AGPAT4: variants seen among roughly 807,000 people sequenced by gnomAD.
AGPAT4 encodes 1-acylglycerol-3-phosphate O-acyltransferase 4, also known as 1-acyl-sn-glycerol-3-phosphate acyltransferase delta.
Under a neutral mutation model 48.0 loss-of-function variants are expected in AGPAT4, and 15 were observed. The observed-to-expected ratio is 0.31, with a 90% CI of 0.21 to 0.48. The LOEUF (loss-of-function observed/expected upper bound fraction) is 0.48. Among genes scored for constraint, AGPAT4 ranks in the 20% least tolerant of loss-of-function variants. AGPAT4 has a pLI of 0.99. For missense variants in AGPAT4, 314 were observed against 482.5 expected (o/e 0.65, Z 3.27); for synonymous variants, 178 against 198.7 (o/e 0.90, Z 0.88).
In AGPAT4 at chr6:161,177,776, T is replaced by C. The variant is rs1054593087; in HGVS notation, c.179-11359A>G. 3.9e-5 allele frequency among the ~76,000 whole-genome samples: 6 copies of C among 152,332 alleles called. No individual in the cohort carries two copies. The highest frequency in any genetic ancestry group is 9.6e-5 in the African/African-American group (4 of 41,588). ...TTCTGCTCTGGTTTCTCCCCATCTTTGTGGTTTTATCTACCTTTGGTCTTT... is the reference window on the plus strand; with the variant it reads ...TTCTGCTCTGGTTTCTCCCCATCTTCGTGGTTTTATCTACCTTTGGTCTTT... On this transcript the variant is annotated intron_variant, in intron 2 of 8. Coordinates refer to ENST00000320285, the MANE Select transcript of AGPAT4 (RefSeq NM_020133.3). This position sits in a 1 kb window ranked among gnomAD's most constrained non-coding sequence, Gnocchi z 5.0.
chr6:161,134,440 G>C lies in AGPAT4; in HGVS notation c.*2100C>G, dbSNP rs1778999714. On this transcript the variant is annotated 3_prime_UTR_variant, in exon 9 of 9. Transcript: ENST00000320285. ...TTTAGTACGACAAGAAAATTTCTGA[G>C]CATTTTTGAGAGTAGCAACATAGAG... The C allele has an allele frequency of 6.6e-6, 1 of 152,202 alleles. No individual in the cohort carries two copies. The highest frequency in any genetic ancestry group is 2.4e-5 in the African/African-American group (1 of 41,458). 9.4% of individuals were successfully genotyped at this position (152,202 alleles called of 1,614,324 possible).
chr6:161,215,418 C>T lies in AGPAT4; in HGVS notation c.178+16618G>A, dbSNP rs563944585. Among the ~76,000 whole-genome samples the T allele has an allele frequency of 3.3e-4, 50 of 152,264 alleles. No individual in the cohort carries two copies. Among genetic ancestry groups the T allele is most frequent in the African/African-American group, 1.1e-3 (46 of 41,548 alleles). ...CATACTCTTGGATTTACAAAACATACGCATATACCCAGCAAACACAGACTG... is the reference window on the plus strand; with the variant it reads ...CATACTCTTGGATTTACAAAACATATGCATATACCCAGCAAACACAGACTG... On this transcript the variant is annotated intron_variant, in intron 2 of 8. Coordinates refer to ENST00000320285, the MANE Select transcript of AGPAT4 (RefSeq NM_020133.3). The surrounding 1 kb of genome is among the most constrained non-coding windows in gnomAD (Gnocchi z 4.5).
chr6:161,162,631 T>C (rs73786014), intron 3 of AGPAT4, among the ~76,000 whole-genome samples: 9,654 of 152,272 alleles, frequency 0.063, 383 homozygotes, highest in Middle Eastern at 0.15. Context: ...GACACGCTTG[T>C]TGTTTTAAGC....
rs1030406305 is a variant in AGPAT4, at chr6:161,238,067, T to TG, written c.-89-5766dup. On this transcript the variant is annotated intron_variant, in intron 1 of 8. Coordinates refer to ENST00000320285, the MANE Select transcript of AGPAT4 (RefSeq NM_020133.3). This position sits in a 1 kb window ranked among gnomAD's most constrained non-coding sequence, Gnocchi z 5.2. ...CTGCTGTGTGTTGGGGGGCTGGGGGTGGGGGGGTAATGGGGGGGTTGGGGG... is the reference window on the plus strand; with the variant it reads ...CTGCTGTGTGTTGGGGGGCTGGGGGTGGGGGGGGTAATGGGGGGGTTGGGGG... Among the ~76,000 whole-genome samples, 5 of 4,402 alleles carry TG rather than the reference T, an allele frequency of 1.1e-3. No homozygotes were observed. In the East Asian group the frequency reaches 0.031, roughly 27 times the overall value. 2.9% of individuals were successfully genotyped at this position (4,402 alleles called of 152,430 possible).
chr6:161,253,100 C>A (rs1314420797), intron 1 of AGPAT4, among the ~76,000 whole-genome samples: 3 of 150,038 alleles, frequency 2.0e-5, no homozygotes, highest in African/African-American at 7.4e-5. Flanking sequence ...GTAATCCCAG[C>A]TACTCAGGAG....
intron 2 of AGPAT4, among the ~76,000 whole-genome samples, chr6:161,183,232 C>A (rs1352792684): frequency 1.3e-5 from 2 of 152,092 alleles, no homozygotes; most frequent in African/African-American, 4.8e-5. Context: ...CCTGCTGACA[C>A]CCAGGGCTGC....
intron 1 of AGPAT4, among the ~76,000 whole-genome samples, chr6:161,268,366 T>C (rs1371759041): frequency 1.3e-5 from 2 of 152,312 alleles, no homozygotes; most frequent in East Asian, 1.9e-4. Context: ...CAAAACGGGA[T>C]ACATGTGCAG....
At chr6:161,273,878 T>C (rs927985718) in intron 1 of AGPAT4, 60 bp downstream of exon 1, 2 of 140,520 alleles carry the variant, frequency 1.4e-5, no homozygotes, top group African/African-American at 5.3e-5. Context: ...GGAAGAGGAA[T>C]GCAAACATCA....
In AGPAT4 at chr6:161,141,580, G is replaced by GT. The variant is rs1355748193; in HGVS notation, c.844-1961dup. ...AAGGGGGGTGATATTTTTGTGCCTT[G>GT]TTTTTTTTTAAAAAAAAAACAGCTT... On this transcript the variant is annotated intron_variant, in intron 7 of 8. Coordinates refer to ENST00000320285, the MANE Select transcript of AGPAT4 (RefSeq NM_020133.3). The surrounding 1 kb of genome is among the most constrained non-coding windows in gnomAD (Gnocchi z 6.7). Among the ~76,000 whole-genome samples the GT allele has an allele frequency of 4.0e-3, 598 of 149,544 alleles. 7 individuals carry two copies. Among genetic ancestry groups the GT allele is most frequent in the African/African-American group, 0.014 (577 of 40,352 alleles).
chr6:161,182,564 C>T (rs941632832), intron 2 of AGPAT4, among the ~76,000 whole-genome samples: 3 of 152,208 alleles, frequency 2.0e-5, no homozygotes, highest in Non-Finnish European at 4.4e-5. Flanking sequence ...CTTGAGGTGC[C>T]CATTTCCATG....
intron 1 of AGPAT4, among the ~76,000 whole-genome samples, chr6:161,250,216 AG>A (rs1478404169): frequency 6.6e-6 from 1 of 152,186 alleles, no homozygotes; most frequent in Non-Finnish European, 1.5e-5. Flanking sequence ...GAGTAGGGAG[AG>A]GATCAGGAAA....
chr6:161,152,428 G>A (rs1221119584), intron 5 of AGPAT4, among the ~76,000 whole-genome samples: 1 of 152,100 alleles, frequency 6.6e-6, no homozygotes, highest in Non-Finnish European at 1.5e-5. Flanking sequence ...GGCTACCCAG[G>A]GCCTTCAACC....
At position 161,232,319 on chromosome 6, in the gene AGPAT4, T is replaced by G; in HGVS notation, c.-89-17A>C. On this transcript the variant is annotated splice_polypyrimidine_tract_variant and intron_variant, in intron 1 of 8. Coordinates refer to ENST00000320285, the MANE Select transcript of AGPAT4 (RefSeq NM_020133.3). The surrounding 1 kb of genome is among the most constrained non-coding windows in gnomAD (Gnocchi z 6.8). ...GGAAGGCGTCTAAAACACAAACAAA[T>G]AGGAAATGTTAGCAAAAACACGATG... is the stretch of plus-strand genomic sequence containing the variant. 9.2e-7 allele frequency: 1 copy of G among 1,088,410 alleles called. No homozygotes were observed. Among genetic ancestry groups the G allele is most frequent in the Non-Finnish European group, 1.3e-6 (1 of 782,870 alleles). 67.4% of individuals were successfully genotyped at this position (1,088,410 alleles called of 1,614,324 possible). A position where few individuals can be genotyped will look rare whatever the true frequency, so the allele number is the denominator to read the frequency against.
At chr6:161,258,837 C>T (rs946351341) in intron 1 of AGPAT4, among the ~76,000 whole-genome samples, 1 of 151,270 alleles carries the variant, frequency 6.6e-6, no homozygotes, top group Non-Finnish European at 1.5e-5. Context: ...CACTCTATCG[C>T]CCAGGCTGGA....
rs751101624 is a variant in AGPAT4 at position 161,146,630 on chromosome 6, G to A, written c.768-31C>T. 35 of 1,605,096 alleles carry A rather than the reference G, an allele frequency of 2.2e-5. No homozygotes were observed. The highest frequency in any genetic ancestry group is 1.7e-4 in the Middle Eastern group (1 of 6,044). ...AAGGCAGAGAGCAGCTAGCAGAGAGGAGGTGATGCCCCCCTACAACATACA... is the reference window on the plus strand; with the variant it reads ...AAGGCAGAGAGCAGCTAGCAGAGAGAAGGTGATGCCCCCCTACAACATACA... On this transcript the variant is annotated intron_variant, in intron 6 of 8. Transcript: ENST00000320285. This position sits in a 1 kb window ranked among gnomAD's most constrained non-coding sequence, Gnocchi z 7.1.
rs559141536 is a variant in AGPAT4, at chr6:161,166,146, T to C, written c.348+102A>G. ...ACCATTTCATCAAGTAGAAACTCTGTTGATTCTTCTGCAAGTTCTGAATGA... is the reference window on the plus strand; with the variant it reads ...ACCATTTCATCAAGTAGAAACTCTGCTGATTCTTCTGCAAGTTCTGAATGA... On this transcript the variant is annotated intron_variant, in intron 3 of 8. Coordinates refer to ENST00000320285, the MANE Select transcript of AGPAT4 (RefSeq NM_020133.3). This position sits in a 1 kb window ranked among gnomAD's most constrained non-coding sequence, Gnocchi z 6.7. The C allele has an allele frequency of 1.3e-5, 19 of 1,453,566 alleles. No homozygotes were observed. The African/African-American group carries it at 2.5e-4, about 19-fold the overall frequency. 90.0% of individuals were successfully genotyped at this position (1,453,566 alleles called of 1,614,324 possible).
intron 5 of AGPAT4, among the ~76,000 whole-genome samples, chr6:161,150,694 G>C (rs1271494423): frequency 6.6e-6 from 1 of 152,196 alleles, no homozygotes; most frequent in Admixed American, 6.5e-5. Context: ...GGCTGAAGGC[G>C]GGACTGTTCT....
chr6:161,162,272 C>T (rs1031415639), intron 3 of AGPAT4, among the ~76,000 whole-genome samples: 2 of 152,256 alleles, frequency 1.3e-5, no homozygotes, highest in Admixed American at 6.5e-5. Flanking sequence ...GCACACCCTA[C>T]CCCACATCCC....
chr6:161,165,049 CT>C lies in AGPAT4; in HGVS notation c.348+1198del, dbSNP rs1188701524. Among the ~76,000 whole-genome samples, 1 of 152,182 alleles carries C rather than the reference CT, an allele frequency of 6.6e-6. No individual in the cohort carries two copies. The highest frequency in any genetic ancestry group is 1.9e-4 in the East Asian group (1 of 5,184). ...AGGAGAAGAACCCTGCCATTCACCC[CT>C]GGTATCCATGACGGGGTTAGGACCA... is the stretch of plus-strand genomic sequence containing the variant. On this transcript the variant is annotated intron_variant, in intron 3 of 8. Coordinates refer to ENST00000320285, the MANE Select transcript of AGPAT4 (RefSeq NM_020133.3). This position sits in a 1 kb window ranked among gnomAD's most constrained non-coding sequence, Gnocchi z 5.5.
Sources: allele counts gnomAD v4.1 joint callset (sites outside exome capture counted in the v4.1 genomes callset), GRCh38; gene constraint gnomAD v4.1.1; non-coding constraint Gnocchi (gnomAD v3.1); transcripts MANE v1.5; gene names NCBI Gene and HGNC (gene_info 2026-07-23, HGNC 2026-07-21).